FRMD4B: variants seen among roughly 807,000 people sequenced by gnomAD.
FRMD4B encodes FERM domain-containing protein 4B.
Under a neutral mutation model 141.5 loss-of-function variants are expected in FRMD4B, and 74 were observed. The ratio of observed to expected loss-of-function variants is 0.52; its 90% CI spans 0.43 to 0.63. The LOEUF is 0.63. FRMD4B is among the 30% of genes least tolerant of loss of function. The pLI is 0.00. For synonymous variants in FRMD4B, 506 were observed against 467.9 expected (o/e 1.08, Z -1.05); for missense variants, 1,366 against 1,253.4 (o/e 1.09, Z -1.36).
intron 11 of FRMD4B, among the ~76,000 whole-genome samples, chr3:69,206,136 A>G (rs150361395): frequency 6.6e-6 from 1 of 152,092 alleles, no homozygotes; most frequent in Non-Finnish European, 1.5e-5. Flanking sequence ...TGGATTGTCT[A>G]AAGTCAGGAG....
chr3:69,212,381 G>GAAAAAAGA (rs2093093443), intron 11 of FRMD4B, among the ~76,000 whole-genome samples: 5 of 95,596 alleles, frequency 5.2e-5, no homozygotes, highest in Admixed American at 4.6e-4. Flanking sequence ...AAAAAAAAAA[G>GAAAAAAGA]AAAAAAAAAA....
At chr3:69,175,692 C>A (rs557490607) in intron 22 of FRMD4B, among the ~76,000 whole-genome samples, 26 of 151,636 alleles carry the variant, frequency 1.7e-4, no homozygotes, top group African/African-American at 6.3e-4. Flanking sequence ...ATAAAAGCTT[C>A]AGACTCAGAA....
chr3:69,330,246 G>C (rs1446940650), intron 1 of FRMD4B, among the ~76,000 whole-genome samples: 5 of 146,894 alleles, frequency 3.4e-5, no homozygotes, highest in Non-Finnish European at 5.9e-5. Flanking sequence ...CTACTTTGAA[G>C]GTCCCATTGG....
chr3:69,240,904 G>A (rs2093377823), intron 7 of FRMD4B, among the ~76,000 whole-genome samples: 1 of 152,224 alleles, frequency 6.6e-6, no homozygotes, highest in African/African-American at 2.4e-5. Flanking sequence ...AGAAGTGGAA[G>A]TAGTTCATGT....
chr3:69,525,928 G>A (rs1700925596), intron 1 of FRMD4B, among the ~76,000 whole-genome samples: 1 of 151,998 alleles, frequency 6.6e-6, no homozygotes, highest in Non-Finnish European at 1.5e-5. Context: ...CAAAGTGCTA[G>A]GATTACAGGT....
intron 1 of FRMD4B, among the ~76,000 whole-genome samples, chr3:69,342,858 T>C (rs1285364188): frequency 6.6e-6 from 1 of 152,180 alleles, no homozygotes; most frequent in African/African-American, 2.4e-5. Flanking sequence ...ATTCCTCCTG[T>C]CTAGCTGTAA....
At chr3:69,382,999 T>C (rs1704152820) in intron 1 of FRMD4B, among the ~76,000 whole-genome samples, 1 of 152,198 alleles carries the variant, frequency 6.6e-6, no homozygotes, top group Non-Finnish European at 1.5e-5. Context: ...TTTTCTATTA[T>C]AATAAAAAAA....
At chr3:69,342,096 C>T (rs922116875) in intron 1 of FRMD4B, among the ~76,000 whole-genome samples, 1 of 152,120 alleles carries the variant, frequency 6.6e-6, no homozygotes, top group Non-Finnish European at 1.5e-5. Flanking sequence ...GCAAACACTT[C>T]CCCCCACAAA....
intron 1 of FRMD4B, among the ~76,000 whole-genome samples, chr3:69,321,488 T>C (rs1165127177): frequency 2.0e-5 from 3 of 152,200 alleles, no homozygotes; most frequent in Admixed American, 6.5e-5. Context: ...ATCTGCCATC[T>C]GGAAGGGTGA....
chr3:69,358,757 CA>C (rs1349135901), intron 1 of FRMD4B, among the ~76,000 whole-genome samples: 1 of 151,844 alleles, frequency 6.6e-6, no homozygotes, highest in Non-Finnish European at 1.5e-5. Context: ...AATAAACAAA[CA>C]AAAAAAGAAG....
chr3:69,502,263 A>T (rs1056225047), intron 1 of FRMD4B, among the ~76,000 whole-genome samples: 2 of 152,146 alleles, frequency 1.3e-5, no homozygotes, highest in Admixed American at 1.3e-4. Context: ...GAGGCATCAC[A>T]CTACCTGACT....
intron 1 of FRMD4B, among the ~76,000 whole-genome samples, chr3:69,371,860 T>C (rs1370625756): frequency 6.6e-6 from 1 of 152,212 alleles, no homozygotes; most frequent in East Asian, 1.9e-4. Flanking sequence ...CGACCAGGCC[T>C]AGAATGTAAT....
intron 1 of FRMD4B, among the ~76,000 whole-genome samples, chr3:69,501,506 G>C (rs1316615786): frequency 6.6e-6 from 1 of 152,120 alleles, no homozygotes; most frequent in East Asian, 1.9e-4. Flanking sequence ...GAGGCAAGCA[G>C]AATATGTGGT....
intron 7 of FRMD4B, among the ~76,000 whole-genome samples, chr3:69,230,122 C>A (rs2093292804): frequency 6.6e-6 from 1 of 151,772 alleles, no homozygotes; most frequent in South Asian, 2.1e-4. Context: ...ATTACAGGCG[C>A]CCTCCGCCAC....
At chr3:69,257,320 G>A (rs2093498877) in intron 5 of FRMD4B, among the ~76,000 whole-genome samples, 1 of 152,134 alleles carries the variant, frequency 6.6e-6, no homozygotes, top group Non-Finnish European at 1.5e-5. Flanking sequence ...CCAGTGTGTT[G>A]TTGAGAACAC....
At chr3:69,463,215 C>A (rs1439814994) in intron 1 of FRMD4B, among the ~76,000 whole-genome samples, 2 of 152,208 alleles carry the variant, frequency 1.3e-5, no homozygotes, top group African/African-American at 4.8e-5. Flanking sequence ...CCTAGGCAAC[C>A]ACTGTTCTGA....
intron 1 of FRMD4B, among the ~76,000 whole-genome samples, chr3:69,316,562 G>A (rs1701809790): frequency 6.6e-6 from 1 of 150,944 alleles, no homozygotes; most frequent in Admixed American, 6.6e-5. Context: ...AAATAATTAA[G>A]AGAGAAATAA....
intron 1 of FRMD4B, among the ~76,000 whole-genome samples, chr3:69,508,616 T>G (rs758325239): frequency 4.3e-4 from 65 of 152,188 alleles, no homozygotes; most frequent in Non-Finnish European, 8.2e-4. Flanking sequence ...CCTGCCCAGA[T>G]AAAGCTTGGA....
At chr3:69,223,539 G>T (rs1008959789) in intron 8 of FRMD4B, among the ~76,000 whole-genome samples, 4 of 151,850 alleles carry the variant, frequency 2.6e-5, no homozygotes, top group African/African-American at 9.7e-5. Flanking sequence ...AATAAAAATA[G>T]ATAAAACTAT....
Sources: gnomAD v4.1 joint callset for allele counts (sites outside exome capture counted in the v4.1 genomes callset) on GRCh38, gnomAD v4.1.1 for gene constraint, MANE v1.5 for transcripts, NCBI Gene and HGNC (gene_info 2026-07-23, HGNC 2026-07-21) for gene names.